Variants in ZC3H11A observed in about 807,000 individuals in gnomAD.
ZC3H11A encodes zinc finger CCCH-type containing 11A.
In ZC3H11A, 22 loss-of-function variants were observed where a neutral mutation model predicts 90.8. The ratio of observed to expected loss-of-function variants is 0.24; its 90% CI spans 0.17 to 0.35. The LOEUF (loss-of-function observed/expected upper bound fraction) is 0.35. Among genes scored for constraint, ZC3H11A ranks in the 10% least tolerant of loss-of-function variants. The pLI is 1.00. For missense variants in ZC3H11A, 701 were observed against 964.9 expected, an observed-to-expected ratio of 0.73 and a Z score of 3.62; for synonymous variants, 294 against 339.8, an observed-to-expected ratio of 0.87 and a Z score of 1.48.
intron 10 of ZC3H11A, 26 bp from the exon 11 acceptor site, chr1:203,837,940 T>C (rs1225921878): frequency 6.3e-7 from 1 of 1,596,898 alleles, no homozygotes; most frequent in Admixed American, 1.8e-5. Context: ...ACTTGAAATC[T>C]TAAACTAAGT....
chr1:203,853,924 C>T lies in ZC3H11A; in HGVS notation c.*1525C>T, dbSNP rs371833035. On this transcript the variant is annotated 3_prime_UTR_variant, in exon 18 of 18. Transcript: ENST00000367210. ...TTCACCATGGATTTTCTACTTATTT[C>T]GTTTTTGGAATCAGCTTACAGATTC... The T allele has an allele frequency of 4.4e-4, 67 of 152,674 alleles. No individual in the cohort carries two copies. The highest frequency in any genetic ancestry group is 1.5e-3 in the African/African-American group (63 of 41,548). The allele number at this position is 152,674 out of a possible 1,614,324, so 9.5% of individuals were successfully genotyped here. A position where few individuals can be genotyped will look rare whatever the true frequency, so the allele number is the denominator to read the frequency against.
At chr1:203,821,480 AT>A (rs1357043066) in intron 4 of ZC3H11A, among the ~76,000 whole-genome samples, 1 of 151,840 alleles carries the variant, frequency 6.6e-6, no homozygotes, top group East Asian at 1.9e-4. Flanking sequence ...TTTCAAACTG[AT>A]TTTTGTGTTC....
intron 9 of ZC3H11A, among the ~76,000 whole-genome samples, chr1:203,832,932 T>G (rs1050293002): frequency 1.3e-5 from 2 of 152,188 alleles, no homozygotes; most frequent in Non-Finnish European, 2.9e-5. Context: ...CGACTGCTAT[T>G]AATAATTAGT....
At chr1:203,829,073 T>C (rs929871343) in intron 5 of ZC3H11A, among the ~76,000 whole-genome samples, 4 of 152,266 alleles carry the variant, frequency 2.6e-5, no homozygotes, top group Non-Finnish European at 5.9e-5. Flanking sequence ...AGTAGACTTA[T>C]TCCTTTCTGG....
At chr1:203,850,107 C>A (rs1271726017) in intron 15 of ZC3H11A, 81 bp downstream of exon 15, 13 of 1,318,442 alleles carry the variant, frequency 9.9e-6, no homozygotes, top group Non-Finnish European at 1.3e-5. Context: ...AACTTCCTGG[C>A]AACAATTGGG....
rs1187677308 is a variant in ZC3H11A at position 203,801,729 on chromosome 1, A to G, written c.-1433A>G. ...CTAGAAATTATGTAGTATTTATTAC[A>G]TAAGAATCAAAATTGCTTTGTTACT... On this transcript the variant is annotated 5_prime_UTR_variant, in exon 2 of 18. Transcript: ENST00000367210. 1 of 152,596 alleles carries G rather than the reference A, an allele frequency of 6.6e-6. No homozygotes were observed. The highest frequency in any genetic ancestry group is 2.4e-5 in the African/African-American group (1 of 41,454). The allele number at this position is 152,596 out of a possible 1,614,324, so 9.5% of individuals were successfully genotyped here.
At chr1:203,819,756 A>T (rs1041767902) in intron 4 of ZC3H11A, among the ~76,000 whole-genome samples, 33 of 143,382 alleles carry the variant, frequency 2.3e-4, no homozygotes, top group Non-Finnish European at 5.0e-4. Context: ...CTGGTCTCGA[A>T]CTCCTGATCT....
chr1:203,804,409 C>T (rs1013440483), intron 2 of ZC3H11A, among the ~76,000 whole-genome samples: 10 of 152,016 alleles, frequency 6.6e-5, no homozygotes, highest in African/African-American at 1.9e-4. Flanking sequence ...GCCTCGGCCT[C>T]CCAAAGTGCT....
intron 4 of ZC3H11A, among the ~76,000 whole-genome samples, chr1:203,819,089 T>TACACAC (rs200302232): frequency 0.028 from 3,913 of 140,954 alleles, 77 homozygotes; most frequent in African/African-American, 0.059. Context: ...TATATATATA[T>TACACAC]ACACACACAC....
chr1:203,829,563 C>T lies in ZC3H11A; in HGVS notation c.411C>T (p.Ser137=). 2 of 1,613,988 alleles carry T rather than the reference C, an allele frequency of 1.2e-6. No individual in the cohort carries two copies. The highest frequency in any genetic ancestry group is 8.5e-7 in the Non-Finnish European group (1 of 1,179,960). Residue 137 remains serine, a synonymous_variant, in exon 6 of 18, where the codon AGC becomes AGT. Transcript: ENST00000367210. The stretch of plus-strand genomic sequence containing the variant: ...CCAATCCTTCCCCTCAGCTGCGGAG[C>T]GTTATGAAAGTAGAAAGTTCCGAAA... ...VQSNPSPQLR[S]VMKVESSENV...
chr1:203,845,199 C>G (rs975024724), intron 12 of ZC3H11A, among the ~76,000 whole-genome samples: 2 of 152,162 alleles, frequency 1.3e-5, no homozygotes, highest in African/African-American at 4.8e-5. Flanking sequence ...TATGCTCTGC[C>G]AGTGACATCC....
chr1:203,850,622 G>C lies in ZC3H11A; in HGVS notation c.2047G>C (p.Val683Leu), dbSNP rs778780388. 1.2e-6 allele frequency: 2 copies of C among 1,614,160 alleles called. No homozygotes were observed. The highest frequency in any genetic ancestry group is 1.6e-4 in the Middle Eastern group (1 of 6,062). ...GATGCACGCTGCTGTCATTGCCGCTGTGAAGCCACTCAGCTCCAGCAGTGT... is the reference window on the plus strand; with the variant it reads ...GATGCACGCTGCTGTCATTGCCGCTCTGAAGCCACTCAGCTCCAGCAGTGT... ...VEMHAAVIAA[V>L]KPLSSSSVLQ... Residue 683 changes from valine to leucine, a missense_variant, in exon 16 of 18, where the codon GTG becomes CTG. Around this residue, in one of 4 missense-constraint regions of ZC3H11A, gnomAD observed 530 missense variants for 696.2 expected, o/e 0.76. Coordinates refer to ENST00000367210, the MANE Select transcript of ZC3H11A (RefSeq NM_001376342.1).
intron 3 of ZC3H11A, among the ~76,000 whole-genome samples, chr1:203,817,777 G>T (rs1251690729): frequency 6.6e-6 from 1 of 151,510 alleles, no homozygotes; most frequent in Non-Finnish European, 1.5e-5. Flanking sequence ...TTTTGAGACG[G>T]AGTCTAGTTC....
At position 203,801,628 on chromosome 1, in the gene ZC3H11A, T is replaced by C. The variant is rs2102425828; in HGVS notation, c.-1534T>C. ...TCCTGGAAAATTGACTAGTATTAAG[T>C]GTGAGTAAAAGGTGTCCACTTTTTT... On this transcript the variant is annotated 5_prime_UTR_variant, in exon 2 of 18. Transcript: ENST00000367210. 1 of 152,740 alleles carries C rather than the reference T, an allele frequency of 6.5e-6. No individual in the cohort carries two copies. The highest frequency in any genetic ancestry group is 1.9e-4 in the East Asian group (1 of 5,190). 9.5% of individuals were successfully genotyped at this position (152,740 alleles called of 1,614,324 possible). A position where few individuals can be genotyped will look rare whatever the true frequency, so the allele number is the denominator to read the frequency against.
At chr1:203,814,435 A>G (rs1196500835) in intron 2 of ZC3H11A, among the ~76,000 whole-genome samples, 1 of 152,104 alleles carries the variant, frequency 6.6e-6, no homozygotes, top group Non-Finnish European at 1.5e-5. Context: ...GAGGCGGGAG[A>G]ATTGCTTGAA....
intron 1 of ZC3H11A, chr1:203,799,994 G>A: frequency 6.5e-7 from 1 of 1,536,088 alleles, no homozygotes; most frequent in Non-Finnish European, 8.7e-7. Flanking sequence ...CAGTTACAGT[G>A]GGAGCTGATT....
chr1:203,830,344 A>G (rs1681852233), intron 8 of ZC3H11A, 141 bp downstream of exon 8: 1 of 695,466 alleles, frequency 1.4e-6, no homozygotes, highest in African/African-American at 1.8e-5. Context: ...ACTTATTTAA[A>G]TTGTGGTTGC....
intron 16 of ZC3H11A, 79 bp from the exon 17 acceptor site, chr1:203,850,978 G>A (rs1689106759): frequency 1.3e-6 from 2 of 1,503,454 alleles, no homozygotes; most frequent in Admixed American, 3.6e-5. Context: ...ACAATTCTAA[G>A]AAGGCAGCAA....
chr1:203,833,375 A>AC (rs1683076787), intron 9 of ZC3H11A, among the ~76,000 whole-genome samples: 2 of 148,312 alleles, frequency 1.3e-5, no homozygotes, highest in Non-Finnish European at 1.5e-5. Flanking sequence ...AAAAAAAAAA[A>AC]AAAAAAAAAC....
Sources: allele counts gnomAD v4.1 joint callset (sites outside exome capture counted in the v4.1 genomes callset), GRCh38; gene constraint gnomAD v4.1.1; regional missense constraint gnomAD v4.1.1; transcripts MANE v1.5; gene names NCBI Gene and HGNC (gene_info 2026-07-23, HGNC 2026-07-21).